The following FARP1 variants were observed in gnomAD, a reference collection of about 807,000 sequenced individuals.
FARP1 encodes the protein FERM, ARHGEF and pleckstrin domain-containing protein 1.
FARP1 carries 52 observed loss-of-function variants against 128.8 expected under a neutral mutation model. The ratio of observed to expected loss-of-function variants is 0.40; its 90% CI spans 0.32 to 0.51. The LOEUF (loss-of-function observed/expected upper bound fraction) is 0.51, where lower values mean the gene tolerates loss of function less well. FARP1 is among the 20% of genes least tolerant of loss of function. FARP1 has a pLI of 0.45. For missense variants in FARP1, 1,333 were observed against 1,367.9 expected (o/e 0.97, Z 0.40); for synonymous variants, 580 against 551.8 (o/e 1.05, Z -0.72).
At chr13:98,264,878 TATTC>T (rs1324620787) in intron 2 of FARP1, among the ~76,000 whole-genome samples, 1 of 152,252 alleles carries the variant, frequency 6.6e-6, no homozygotes, top group East Asian at 1.9e-4. Context: ...GAATTCTTAC[TATTC>T]ATTCTATAGT....
At chr13:98,204,639 A>G (rs979083278) in intron 1 of FARP1, among the ~76,000 whole-genome samples, 11 of 152,168 alleles carry the variant, frequency 7.2e-5, no homozygotes, top group African/African-American at 2.7e-4. Flanking sequence ...ATTGGCTAAC[A>G]TTCTTCTGAA....
intron 2 of FARP1, among the ~76,000 whole-genome samples, chr13:98,219,432 G>T (rs1881284331): frequency 6.6e-6 from 1 of 151,402 alleles, no homozygotes; most frequent in Admixed American, 6.6e-5. Context: ...ATAGCTCACT[G>T]CAGCCTCAAA....
At chr13:98,145,490 T>C (rs1336350783) in intron 1 of FARP1, among the ~76,000 whole-genome samples, 1 of 152,228 alleles carries the variant, frequency 6.6e-6, no homozygotes, top group African/African-American at 2.4e-5. Context: ...GACAAGTTTC[T>C]TACTGGGTTA....
At position 98,431,076 on chromosome 13, in the gene FARP1, G is replaced by A; in HGVS notation, c.1939G>A (p.Ala647Thr). 1 of 1,614,140 alleles carries A rather than the reference G, an allele frequency of 6.2e-7. No individual in the cohort carries two copies. Among genetic ancestry groups the A allele is most frequent in the Non-Finnish European group, 8.5e-7 (1 of 1,179,998 alleles). ...GGCTCACCTGTGGAAGCACAGCGAG[G>A]CCTTGGAGGCCCTGGAGAATGGAAT... ...LAAHLWKHSE[A>T]LEALENGIKS... The change falls in exon 18 of 27, where the codon GCC (alanine) becomes ACC (threonine). Residue 647 changes from alanine to threonine, a missense_variant. Physicochemically the swap from Ala to Thr is moderately conservative, Grantham distance 58. Coordinates refer to ENST00000319562, the MANE Select transcript of FARP1 (RefSeq NM_005766.4).
intron 17 of FARP1, among the ~76,000 whole-genome samples, chr13:98,425,783 C>G (rs566158528): frequency 6.6e-6 from 1 of 152,298 alleles, no homozygotes; most frequent in Non-Finnish European, 1.5e-5. Flanking sequence ...TAAATTAATA[C>G]TCTACCACAT....
chr13:98,351,068 G>T (rs905197412), intron 3 of FARP1, among the ~76,000 whole-genome samples: 2 of 138,614 alleles, frequency 1.4e-5, no homozygotes, highest in African/African-American at 6.2e-5. Flanking sequence ...CCCCTGCCCA[G>T]CCTCGCCTCC....
chr13:98,434,590 C>T (rs1367320504), intron 18 of FARP1: 1 of 152,196 alleles, frequency 6.6e-6, no homozygotes. Context: ...TTGAGTGCCA[C>T]CCAAACTTGT....
intron 2 of FARP1, among the ~76,000 whole-genome samples, chr13:98,217,054 TG>T (rs1221037871): frequency 6.6e-6 from 1 of 152,142 alleles, no homozygotes; most frequent in Non-Finnish European, 1.5e-5. Flanking sequence ...TGATGGTTCC[TG>T]GGAAGGTTTT....
intron 4 of FARP1, among the ~76,000 whole-genome samples, chr13:98,366,148 C>A (rs1308591169): frequency 1.2e-4 from 19 of 152,040 alleles, no homozygotes; most frequent in Non-Finnish European, 2.9e-5. Context: ...AGAGTCTGGA[C>A]AAAAATCTGA....
chr13:98,270,411 A>T (rs1011012377), intron 2 of FARP1, among the ~76,000 whole-genome samples: 43 of 152,172 alleles, frequency 2.8e-4, no homozygotes, highest in African/African-American at 1.0e-3. Context: ...AACATGTAAG[A>T]TTGCACATCT....
intron 24 of FARP1, among the ~76,000 whole-genome samples, chr13:98,441,771 G>A (rs1022535459): frequency 1.2e-4 from 19 of 152,176 alleles, no homozygotes; most frequent in African/African-American, 4.1e-4. Context: ...TCCAGTTTCC[G>A]TGGCTCGCCT....
chr13:98,407,282 C>T (rs1029006816), intron 13 of FARP1: 1 of 152,634 alleles, frequency 6.6e-6, no homozygotes, highest in African/African-American at 2.4e-5. Flanking sequence ...AACCTCTAGA[C>T]AGACTGCCAG....
At chr13:98,375,461 G>A (rs1240081665) in intron 5 of FARP1, among the ~76,000 whole-genome samples, 4 of 152,138 alleles carry the variant, frequency 2.6e-5, no homozygotes, top group Admixed American at 2.6e-4. Flanking sequence ...CTACTTGGCT[G>A]TCCTGAAACA....
At chr13:98,153,205 G>A (rs1339593728) in intron 1 of FARP1, among the ~76,000 whole-genome samples, 9 of 148,768 alleles carry the variant, frequency 6.0e-5, no homozygotes, top group South Asian at 2.1e-4. Context: ...GGAAACCAGC[G>A]ATTTTCTAAA....
intron 1 of FARP1, chr13:98,177,412 C>T (rs1169510628): frequency 5.8e-6 from 3 of 520,202 alleles, no homozygotes; most frequent in Admixed American, 3.5e-5. Flanking sequence ...ACTGGGAGGC[C>T]GAGGTGGGAG....
intron 3 of FARP1, among the ~76,000 whole-genome samples, 180 bp from the exon 4 acceptor site, chr13:98,365,215 A>G (rs952749934): frequency 2.6e-5 from 4 of 152,246 alleles, no homozygotes; most frequent in African/African-American, 9.6e-5. Context: ...TCAGCAAATT[A>G]GGATCTGTTT....
intron 5 of FARP1, among the ~76,000 whole-genome samples, chr13:98,375,561 T>G (rs1889543833): frequency 6.6e-6 from 1 of 152,198 alleles, no homozygotes; most frequent in African/African-American, 2.4e-5. Flanking sequence ...CTGCCTGGAA[T>G]CTACCATGTC....
At chr13:98,295,308 A>G (rs1334466925) in intron 2 of FARP1, among the ~76,000 whole-genome samples, 4 of 152,110 alleles carry the variant, frequency 2.6e-5, no homozygotes, top group East Asian at 1.9e-4. Flanking sequence ...TAGAGGAGTC[A>G]TGGCAGCAGA....
chr13:98,293,551 A>C (rs1373805992), intron 2 of FARP1, among the ~76,000 whole-genome samples: 1 of 152,210 alleles, frequency 6.6e-6, no homozygotes, highest in Non-Finnish European at 1.5e-5. Context: ...TGCACCCCAC[A>C]GAGAGGTTTG....
Sources: gnomAD v4.1 joint callset for allele counts (sites outside exome capture counted in the v4.1 genomes callset) on GRCh38, gnomAD v4.1.1 for gene constraint, MANE v1.5 for transcripts, NCBI Gene and HGNC (gene_info 2026-07-23, HGNC 2026-07-21) for gene names.